NEDD4L: variants seen among roughly 807,000 people sequenced by gnomAD.
The protein encoded by NEDD4L is NEDD4 like E3 ubiquitin protein ligase.
NEDD4L carries 54 observed loss-of-function variants against 148.9 expected under a neutral mutation model. That is an observed-to-expected ratio of 0.36 (90% confidence interval 0.29 to 0.45). The LOEUF (loss-of-function observed/expected upper bound fraction) is 0.45, where lower values mean the gene tolerates loss of function less well. Ranked by LOEUF, NEDD4L falls within the 20% of genes least tolerant of loss-of-function variation. NEDD4L has a pLI of 1.00. For synonymous variants in NEDD4L, 433 were observed against 440.7 expected (o/e 0.98, Z 0.22); for missense variants, 856 against 1,233.8 (o/e 0.69, Z 4.59).
At chr18:58,292,194 A>G (rs960880039) in intron 5 of NEDD4L, among the ~76,000 whole-genome samples, 4 of 150,168 alleles carry the variant, frequency 2.7e-5, no homozygotes, top group Non-Finnish European at 5.9e-5. Context: ...ATTAAACCGC[A>G]AGTTCCCACG....
rs1256861145 is a variant in NEDD4L at position 58,335,489 on chromosome 18, A to G, written c.1077A>G (p.Pro359=). Residue 359 remains proline (P), a synonymous_variant, in exon 13 of 31, where the codon CCA becomes CCG. Coordinates refer to ENST00000400345, the MANE Select transcript of NEDD4L (RefSeq NM_001144967.3). ...EQGHLPPPSA[P]AGRARSSTVT... ...ATTATCATTCACAGCCCAGTGCCCC[A>G]GCTGGGAGAGCGCGTTCATCAACTG... The G allele has an allele frequency of 5.0e-6, 8 of 1,613,420 alleles. No homozygotes were observed. Among genetic ancestry groups the G allele is most frequent in the South Asian group, 1.1e-5 (1 of 91,086 alleles).
chr18:58,360,927 G>A (rs1338139813), intron 19 of NEDD4L, among the ~76,000 whole-genome samples: 1 of 152,106 alleles, frequency 6.6e-6, no homozygotes, highest in African/African-American at 2.4e-5. Flanking sequence ...ACCCACTTTG[G>A]CACAGGCTTG....
chr18:58,342,496 T>G (rs1450548110), intron 15 of NEDD4L, among the ~76,000 whole-genome samples: 1 of 152,194 alleles, frequency 6.6e-6, no homozygotes, highest in Non-Finnish European at 1.5e-5. Context: ...GTAACAACTG[T>G]GAGATTCCAG....
chr18:58,141,541 G>T (rs373041399), intron 1 of NEDD4L, among the ~76,000 whole-genome samples: 1 of 151,802 alleles, frequency 6.6e-6, no homozygotes, highest in African/African-American at 2.4e-5. Context: ...TGGTCTAGTC[G>T]TTCCTACTCC....
chr18:58,274,128 A>G (rs958264065), intron 5 of NEDD4L, among the ~76,000 whole-genome samples: 4 of 146,002 alleles, frequency 2.7e-5, no homozygotes, highest in South Asian at 2.1e-4. Context: ...GAGAAGTTCC[A>G]GCTTTCTAGC....
At chr18:58,187,454 C>A (rs994188231) in intron 2 of NEDD4L, among the ~76,000 whole-genome samples, 8 of 152,004 alleles carry the variant, frequency 5.3e-5, no homozygotes, top group African/African-American at 1.9e-4. Context: ...TTCTTAGGTT[C>A]TTATAAATCA....
chr18:58,294,681 CT>C (rs11399897), intron 5 of NEDD4L, among the ~76,000 whole-genome samples: 28 of 147,214 alleles, frequency 1.9e-4, no homozygotes, highest in African/African-American at 3.7e-4. Context: ...CTGTTTTTGT[CT>C]TTTTTTTTTA....
At chr18:58,149,680 T>C in intron 1 of NEDD4L, 1 of 720,562 alleles carries the variant, frequency 1.4e-6, no homozygotes, top group Non-Finnish European at 2.5e-6. Flanking sequence ...ATGCTGGAGC[T>C]GTTAATTCAT....
At chr18:58,307,980 G>GA (rs926046553) in intron 5 of NEDD4L, among the ~76,000 whole-genome samples, 2 of 152,036 alleles carry the variant, frequency 1.3e-5, no homozygotes, top group African/African-American at 4.8e-5. Flanking sequence ...CAGAAGATTT[G>GA]ATTTTAAAAA....
chr18:58,323,432 T>A, intron 8 of NEDD4L, 98 bp downstream of exon 8: 1 of 717,596 alleles, frequency 1.4e-6, no homozygotes, highest in African/African-American at 1.8e-5. Context: ...TTTAGAAAGC[T>A]TAAATATAAA....
At chr18:58,271,396 T>C (rs1199505889) in intron 5 of NEDD4L, among the ~76,000 whole-genome samples, 2 of 152,212 alleles carry the variant, frequency 1.3e-5, no homozygotes, top group East Asian at 3.8e-4. Flanking sequence ...AGAAGGACTT[T>C]GAAGGTTTTC....
At chr18:58,252,132 G>A (rs1265598849) in intron 5 of NEDD4L, 78 bp downstream of exon 5, 3 of 934,414 alleles carry the variant, frequency 3.2e-6, no homozygotes, top group South Asian at 2.6e-5. Flanking sequence ...TTAAAACTCT[G>A]TGTTTATGTT....
At chr18:58,274,913 G>A (rs1017201083) in intron 5 of NEDD4L, among the ~76,000 whole-genome samples, 6 of 152,160 alleles carry the variant, frequency 3.9e-5, no homozygotes, top group South Asian at 2.1e-4. Flanking sequence ...GATTTCTGTA[G>A]CATCTGATTT....
At chr18:58,396,134 G>T (rs2050468680) in intron 30 of NEDD4L, 33 bp from the exon 31 acceptor site, 2 of 1,459,058 alleles carry the variant, frequency 1.4e-6, no homozygotes, top group Non-Finnish European at 1.9e-6. Flanking sequence ...TGCTGTTGTG[G>T]CTTTTCACCT....
intron 10 of NEDD4L, 81 bp from the exon 11 acceptor site, chr18:58,330,654 ATTG>A (rs777996768): frequency 6.0e-4 from 645 of 1,082,326 alleles, no homozygotes; most frequent in Non-Finnish European, 6.9e-4. Flanking sequence ...CACCGGGGCT[ATTG>A]TTGTTACATG....
rs557208069 is a variant in NEDD4L, at chr18:58,140,330, C to G, written c.49-25458C>G. ...ACTTCCTAAGCTTTATAGAAGCCCT[C>G]TGTTTGTCCCACAAAGGGCCACTAG... On this transcript the variant is annotated intron_variant, in intron 1 of 30. Coordinates refer to ENST00000400345, the MANE Select transcript of NEDD4L (RefSeq NM_001144967.3). 1.1e-3 allele frequency among the ~76,000 whole-genome samples: 174 copies of G among 152,360 alleles called. 1 individual carries two copies. Among genetic ancestry groups the G allele is most frequent in the Admixed American group, 1.3e-3 (20 of 15,310 alleles).
intron 16 of NEDD4L, among the ~76,000 whole-genome samples, chr18:58,347,273 G>C (rs1206846200): frequency 7.9e-6 from 1 of 126,686 alleles, no homozygotes; most frequent in Non-Finnish European, 1.5e-5. Context: ...GTCTTTCACG[G>C]TAGCCTACAT....
chr18:58,389,795 A>G (rs2049565204), intron 28 of NEDD4L, among the ~76,000 whole-genome samples: 2 of 150,428 alleles, frequency 1.3e-5, no homozygotes, highest in Admixed American at 6.6e-5. Flanking sequence ...ACTTCACCCC[A>G]AAAAGGAATC....
At chr18:58,184,258 T>C (rs2039195756) in intron 2 of NEDD4L, among the ~76,000 whole-genome samples, 1 of 152,180 alleles carries the variant, frequency 6.6e-6, no homozygotes, top group African/African-American at 2.4e-5. Flanking sequence ...ATTGCCATGT[T>C]GTGGGGTCAC....
Sources: allele counts gnomAD v4.1 joint callset (sites outside exome capture counted in the v4.1 genomes callset), GRCh38; gene constraint gnomAD v4.1.1; transcripts MANE v1.5; gene names NCBI Gene and HGNC (gene_info 2026-07-23, HGNC 2026-07-21).